Variants in SOX6 observed in about 807,000 individuals in gnomAD.
SOX6 encodes the protein transcription factor SOX-6.
A neutral mutation model predicts 97.8 loss-of-function variants in SOX6; 11 were observed. That is an observed-to-expected ratio of 0.11 (90% CI 0.07 to 0.19). The LOEUF is 0.19. Ranked by LOEUF, SOX6 falls within the 10% of genes least tolerant of loss-of-function variation. SOX6 has a pLI of 1.00. For missense variants in SOX6, 810 were observed against 1,039.5 expected, an observed-to-expected ratio of 0.78 and a Z score of 3.04; for synonymous variants, 360 against 371.4, an observed-to-expected ratio of 0.97 and a Z score of 0.35.
chr11:16,668,312 G>A (rs1366673086), intron 3 of SOX6, among the ~76,000 whole-genome samples: 1 of 152,160 alleles, frequency 6.6e-6, no homozygotes, highest in Non-Finnish European at 1.5e-5. Flanking sequence ...GGCAGAGGCT[G>A]CAGTGAGCCA....
intron 3 of SOX6, chr11:16,645,986 C>T (rs1318137745): frequency 6.6e-6 from 1 of 152,132 alleles, no homozygotes; most frequent in African/African-American, 2.4e-5. Context: ...CTTATTCTCA[C>T]AGATCTGTGT....
chr11:16,651,450 G>T (rs570389131), intron 3 of SOX6, among the ~76,000 whole-genome samples: 2 of 152,264 alleles, frequency 1.3e-5, no homozygotes, highest in South Asian at 4.1e-4. Context: ...TTGATAACAG[G>T]AATGTAGAGA....
At chr11:16,511,475 A>G (rs1204977369) in intron 4 of SOX6, among the ~76,000 whole-genome samples, 1 of 152,162 alleles carries the variant, frequency 6.6e-6, no homozygotes, top group Non-Finnish European at 1.5e-5. Context: ...TCTAAAGGAG[A>G]TGTTTTTTAT....
At chr11:16,490,007 G>A (rs1407315990) in intron 4 of SOX6, among the ~76,000 whole-genome samples, 4 of 151,994 alleles carry the variant, frequency 2.6e-5, no homozygotes, top group Non-Finnish European at 2.9e-5. Context: ...ATAATAAAAT[G>A]AGATTATCTA....
At chr11:16,330,521 C>A (rs1856256891) in intron 2 of SOX6, among the ~76,000 whole-genome samples, 1 of 152,176 alleles carries the variant, frequency 6.6e-6, no homozygotes, top group South Asian at 2.1e-4. Context: ...CAAGCCACTG[C>A]ACTCCAGCCT....
At chr11:16,526,147 G>C (rs1403746496) in intron 4 of SOX6, among the ~76,000 whole-genome samples, 8 of 152,132 alleles carry the variant, frequency 5.3e-5, no homozygotes, top group Non-Finnish European at 1.2e-4. Flanking sequence ...TATACCCAAA[G>C]GACTATAAAT....
intron 4 of SOX6, among the ~76,000 whole-genome samples, chr11:16,603,041 A>C (rs189421654): frequency 3.3e-5 from 5 of 152,182 alleles, no homozygotes; most frequent in African/African-American, 1.2e-4. Context: ...AGAAAAAAAA[A>C]AGAAAAGCTA....
intron 3 of SOX6, among the ~76,000 whole-genome samples, chr11:16,253,113 C>G (rs1291976027): frequency 2.0e-5 from 3 of 152,072 alleles, no homozygotes; most frequent in Non-Finnish European, 4.4e-5. Flanking sequence ...TTTGGGAGGC[C>G]TAGGCGGGCA....
intron 2 of SOX6, among the ~76,000 whole-genome samples, chr11:16,720,817 A>G (rs1176159157): frequency 6.6e-6 from 1 of 152,186 alleles, no homozygotes; most frequent in Non-Finnish European, 1.5e-5. Flanking sequence ...ATAATCACAA[A>G]CAAAATATCC....
intron 1 of SOX6, among the ~76,000 whole-genome samples, chr11:16,447,553 G>A (rs1859637783): frequency 6.6e-6 from 1 of 151,878 alleles, no homozygotes; most frequent in Admixed American, 6.6e-5. Context: ...GACAGAACTG[G>A]CACAGTTAAT....
intron 2 of SOX6, among the ~76,000 whole-genome samples, chr11:16,728,092 G>C (rs1018457719): frequency 6.6e-6 from 1 of 152,136 alleles, no homozygotes; most frequent in Non-Finnish European, 1.5e-5. Context: ...CCCCAGTGAG[G>C]GGCTTATAGA....
intron 1 of SOX6, among the ~76,000 whole-genome samples, chr11:16,421,022 C>A (rs1859010852): frequency 6.6e-6 from 1 of 152,120 alleles, no homozygotes; most frequent in African/African-American, 2.4e-5. Context: ...GAAGAGAATA[C>A]TTTAGTGACA....
Position 16,517,138 on chromosome 11 carries a change from C to CTAA in SOX6, n.610-40753_610-40751dup, listed in dbSNP as rs571394731. Among the ~76,000 whole-genome samples, 920 of 152,036 alleles carry CTAA rather than the reference C, an allele frequency of 6.1e-3. 12 individuals are homozygous for CTAA. Among genetic ancestry groups the CTAA allele is most frequent in the African/African-American group, 0.02 (847 of 41,438 alleles). ...TGACAAAATTCAACAACCCTTCATG[C>CTAA]TAAAAACTCTCAATAAATTAGCTAT... is the stretch of plus-strand genomic sequence containing the variant. On this transcript the variant is annotated intron_variant and non_coding_transcript_variant, in intron 4 of 5. Coordinates refer to the SOX6 transcript ENST00000524520.
At chr11:16,604,486 C>G (rs1848309273) in intron 4 of SOX6, among the ~76,000 whole-genome samples, 1 of 152,200 alleles carries the variant, frequency 6.6e-6, no homozygotes, top group Non-Finnish European at 1.5e-5. Flanking sequence ...CTGGCTGGGC[C>G]GTGCAGCCAG....
At chr11:16,428,745 G>GT (rs1859207546) in intron 1 of SOX6, among the ~76,000 whole-genome samples, 1 of 152,164 alleles carries the variant, frequency 6.6e-6, no homozygotes, top group Admixed American at 6.5e-5. Context: ...AGTATAGTTT[G>GT]AAGTCAGGTA....
At chr11:15,990,661 C>T (rs995828109) in intron 13 of SOX6, among the ~76,000 whole-genome samples, 2 of 152,130 alleles carry the variant, frequency 1.3e-5, no homozygotes, top group Non-Finnish European at 2.9e-5. Context: ...TGTGATGTGG[C>T]AACTCCTGAA....
chr11:16,223,040 A>C (rs1852588711), intron 4 of SOX6, among the ~76,000 whole-genome samples: 1 of 152,108 alleles, frequency 6.6e-6, no homozygotes, highest in Non-Finnish European at 1.5e-5. Flanking sequence ...TGCACAGTCA[A>C]CGTCTGTTAA....
At chr11:15,991,391 A>G (rs977994573) in intron 13 of SOX6, among the ~76,000 whole-genome samples, 2 of 152,220 alleles carry the variant, frequency 1.3e-5, no homozygotes, top group African/African-American at 4.8e-5. Context: ...AGATGAAGGC[A>G]TACATTACTC....
At chr11:16,174,330 C>T (rs1258123062) in intron 6 of SOX6, among the ~76,000 whole-genome samples, 2 of 151,866 alleles carry the variant, frequency 1.3e-5, no homozygotes, top group Non-Finnish European at 2.9e-5. Context: ...CTATGAATTC[C>T]TTAACTTTCA....
Sources: allele counts gnomAD v4.1 joint callset (sites outside exome capture counted in the v4.1 genomes callset), GRCh38; gene constraint gnomAD v4.1.1; transcripts MANE v1.5; gene names NCBI Gene and HGNC (gene_info 2026-07-23, HGNC 2026-07-21).